DYNC1I1: variants seen among roughly 807,000 people sequenced by gnomAD.
The protein encoded by DYNC1I1 is cytoplasmic dynein 1 intermediate chain 1.
A neutral mutation model predicts 86.6 loss-of-function variants in DYNC1I1; 43 were observed. The ratio of observed to expected loss-of-function variants is 0.50; its 90% CI spans 0.39 to 0.64. The LOEUF is 0.64. Among genes scored for constraint, DYNC1I1 ranks in the 30% least tolerant of loss-of-function variants. The pLI is 0.00. For synonymous variants in DYNC1I1, 262 were observed against 283.7 expected (o/e 0.92, Z 0.77); for missense variants, 604 against 788.8 (o/e 0.77, Z 2.81).
intron 16 of DYNC1I1, among the ~76,000 whole-genome samples, chr7:96,090,058 A>G (rs76990075): frequency 6.6e-6 from 1 of 152,156 alleles, no homozygotes; most frequent in African/African-American, 2.4e-5. Context: ...TTGCCCATCA[A>G]CCAGCGTTTT....
At chr7:95,936,789 C>A (rs1051770422) in intron 6 of DYNC1I1, among the ~76,000 whole-genome samples, 10 of 151,798 alleles carry the variant, frequency 6.6e-5, no homozygotes, top group African/African-American at 2.4e-4. Flanking sequence ...AAGGGAATGT[C>A]ATTTTTTAAA....
chr7:96,002,585 A>T (rs767341758), intron 10 of DYNC1I1, among the ~76,000 whole-genome samples: 16 of 152,190 alleles, frequency 1.1e-4, no homozygotes, highest in Non-Finnish European at 2.2e-4. Flanking sequence ...GTCAGCAATA[A>T]TTATTATTGA....
intron 6 of DYNC1I1, among the ~76,000 whole-genome samples, chr7:95,955,646 A>T (rs1286366719): frequency 6.6e-6 from 1 of 152,204 alleles, no homozygotes; most frequent in Non-Finnish European, 1.5e-5. Flanking sequence ...GGTGAGAAGC[A>T]AAGATGTATG....
chr7:96,065,069 A>G (rs1427134598), intron 14 of DYNC1I1, among the ~76,000 whole-genome samples: 1 of 152,200 alleles, frequency 6.6e-6, no homozygotes, highest in Non-Finnish European at 1.5e-5. Context: ...AAACCACTTG[A>G]AGAATCAGCG....
chr7:95,876,158 A>G (rs1366968679), intron 6 of DYNC1I1, among the ~76,000 whole-genome samples: 1 of 151,148 alleles, frequency 6.6e-6, no homozygotes, highest in African/African-American at 2.4e-5. Context: ...CCCTGTGCTC[A>G]TTCCTCCTCT....
At chr7:95,952,770 C>T (rs542027953) in intron 6 of DYNC1I1, among the ~76,000 whole-genome samples, 1 of 152,120 alleles carries the variant, frequency 6.6e-6, no homozygotes, top group African/African-American at 2.4e-5. Flanking sequence ...TTTTACTTTA[C>T]CATCCTGCTC....
chr7:95,808,318 C>CT (rs34043966), intron 2 of DYNC1I1, among the ~76,000 whole-genome samples: 6 of 151,956 alleles, frequency 3.9e-5, no homozygotes, highest in African/African-American at 7.3e-5. Context: ...ACTAAGTGCC[C>CT]TTTTTTTGCC....
chr7:96,057,772 T>A (rs1205679771), intron 14 of DYNC1I1, among the ~76,000 whole-genome samples: 1 of 152,208 alleles, frequency 6.6e-6, no homozygotes, highest in Admixed American at 6.5e-5. Context: ...AAATGATTAA[T>A]GTGTCATATA....
At chr7:95,960,833 C>T (rs1792847648) in intron 6 of DYNC1I1, among the ~76,000 whole-genome samples, 1 of 152,206 alleles carries the variant, frequency 6.6e-6, no homozygotes, top group Non-Finnish European at 1.5e-5. Flanking sequence ...ATAATAAACC[C>T]TGTTCAGCAT....
At chr7:95,895,574 G>A (rs1266855216) in intron 6 of DYNC1I1, among the ~76,000 whole-genome samples, 3 of 152,174 alleles carry the variant, frequency 2.0e-5, no homozygotes, top group African/African-American at 2.4e-5. Context: ...TTCCTGGGCC[G>A]AATGCGTTGT....
In DYNC1I1 at chr7:96,050,734, C is replaced by T. The variant is rs1789381789; in HGVS notation, c.1509+11313C>T. ...AAGTTGCCCTGACCTGCTTTCTTGCCTGTTCCAGGGGTCATTTTTATCATT... is the reference window on the plus strand; with the variant it reads ...AAGTTGCCCTGACCTGCTTTCTTGCTTGTTCCAGGGGTCATTTTTATCATT... On this transcript the variant is annotated intron_variant, in intron 14 of 16. Transcript: ENST00000447467. Among the ~76,000 whole-genome samples, 2 of 152,172 alleles carry T rather than the reference C, an allele frequency of 1.3e-5. 1 individual carries two copies. Among genetic ancestry groups the T allele is most frequent in the East Asian group, 3.9e-4 (2 of 5,186 alleles).
chr7:95,831,602 C>A (rs1001724589), intron 5 of DYNC1I1, among the ~76,000 whole-genome samples: 5 of 152,290 alleles, frequency 3.3e-5, no homozygotes, highest in Non-Finnish European at 7.4e-5. Context: ...TCCATAATGG[C>A]AATGCCAATT....
In DYNC1I1 at chr7:95,828,813, G is replaced by A. The variant is rs78535862; in HGVS notation, c.374+697G>A. On this transcript the variant is annotated intron_variant, in intron 5 of 16. Transcript: ENST00000447467. Reference sequence around the variant, plus strand: ...CCTAGAAACTCAATTTATTTCCGTTGTAGGATTGGAGTTAGCTGTAGTCAC... The same window carrying A: ...CCTAGAAACTCAATTTATTTCCGTTATAGGATTGGAGTTAGCTGTAGTCAC... Among the ~76,000 whole-genome samples the A allele has an allele frequency of 1.1e-3, 168 of 152,256 alleles. 1 individual carries two copies. The highest frequency in any genetic ancestry group is 3.9e-3 in the African/African-American group (162 of 41,556).
chr7:95,879,602 C>T (rs1790399657), intron 6 of DYNC1I1, among the ~76,000 whole-genome samples: 1 of 152,008 alleles, frequency 6.6e-6, no homozygotes. Context: ...AATAACTAGT[C>T]AAAGACACGG....
chr7:95,918,724 ATT>A (rs1791534518), intron 6 of DYNC1I1, among the ~76,000 whole-genome samples: 1 of 152,188 alleles, frequency 6.6e-6, no homozygotes. Context: ...TAAGGCGAAA[ATT>A]TATAGAGAGC....
Position 95,920,786 on chromosome 7 carries a change from T to C in DYNC1I1, c.490+50788T>C, listed in dbSNP as rs372250728. Among the ~76,000 whole-genome samples the C allele has an allele frequency of 3.9e-4, 59 of 152,354 alleles. 2 individuals are homozygous for C. In the South Asian group the frequency reaches 5.8e-3, roughly 15 times the overall value. On this transcript the variant is annotated intron_variant, in intron 6 of 16. Transcript: ENST00000447467. The stretch of plus-strand genomic sequence containing the variant: ...GATTTGCTATCATACACATTTATTA[T>C]TGTCATAGGTGCCATTTGCAGCGCT...
At chr7:95,840,296 G>A (rs1245965437) in intron 5 of DYNC1I1, among the ~76,000 whole-genome samples, 1 of 151,808 alleles carries the variant, frequency 6.6e-6, no homozygotes, top group Non-Finnish European at 1.5e-5. Flanking sequence ...CTGACTAGAG[G>A]ATTTCCAGTG....
chr7:96,102,886 A>G (rs1039094005), downstream of DYNC1I1, among the ~76,000 whole-genome samples: 4 of 152,230 alleles, frequency 2.6e-5, no homozygotes, highest in Non-Finnish European at 5.9e-5. Context: ...GTTCTTTGCC[A>G]TAGGATATAA....
chr7:95,856,791 C>A (rs897888905), intron 5 of DYNC1I1, among the ~76,000 whole-genome samples: 2 of 151,878 alleles, frequency 1.3e-5, no homozygotes, highest in East Asian at 3.9e-4. Context: ...CCAGTCTGGC[C>A]AAGATGGTGA....
Sources: gnomAD v4.1 joint callset for allele counts (sites outside exome capture counted in the v4.1 genomes callset) on GRCh38, gnomAD v4.1.1 for gene constraint, MANE v1.5 for transcripts, NCBI Gene and HGNC (gene_info 2026-07-23, HGNC 2026-07-21) for gene names.